SFI1: variants seen among roughly 807,000 people sequenced by gnomAD.
SFI1 encodes the protein SFI1 centrin binding protein.
Under a neutral mutation model 207.5 loss-of-function variants are expected in SFI1, and 195 were observed. That is an observed-to-expected ratio of 0.94 (90% CI 0.84 to 1.06). SFI1 has a LOEUF of 1.06. Among genes scored for constraint, SFI1 ranks in the 50% least tolerant of loss-of-function variants. The probability of loss-of-function intolerance (pLI) is 0.00; values close to 1 mark genes in which losing one functional copy is unlikely to be tolerated. For missense variants in SFI1, 1,634 were observed against 1,588.0 expected (o/e 1.03, Z -0.49); for synonymous variants, 630 against 598.9 (o/e 1.05, Z -0.76).
At chr22:31,545,360 C>A (rs1373217784) in intron 4 of SFI1, among the ~76,000 whole-genome samples, 4 of 149,800 alleles carry the variant, frequency 2.7e-5, no homozygotes, top group Non-Finnish European at 5.9e-5. Flanking sequence ...AGCAAAACTC[C>A]GTCTCAAAAA....
chr22:31,502,023 T>G (rs2053868484), intron 1 of SFI1, among the ~76,000 whole-genome samples: 1 of 152,198 alleles, frequency 6.6e-6, no homozygotes, highest in Non-Finnish European at 1.5e-5. Flanking sequence ...CCTTGTGCCC[T>G]GAGCTGCCAG....
chr22:31,575,098 GTGT>G, intron 9 of SFI1, 130 bp from the exon 10 acceptor site: 2 of 316,808 alleles, frequency 6.3e-6, no homozygotes, highest in East Asian at 9.6e-5. Context: ...GTGTGTGTGT[GTGT>G]GTGTGTGTGT....
At chr22:31,553,987 C>G (rs1043956478) in intron 6 of SFI1, among the ~76,000 whole-genome samples, 1 of 150,934 alleles carries the variant, frequency 6.6e-6, no homozygotes, top group Non-Finnish European at 1.5e-5. Flanking sequence ...AGACAATGCC[C>G]CACCATACCT....
intron 2 of SFI1, among the ~76,000 whole-genome samples, chr22:31,523,075 G>A (rs1308134561): frequency 6.6e-6 from 1 of 152,158 alleles, no homozygotes; most frequent in African/African-American, 2.4e-5. Context: ...TTATGCTGCT[G>A]TGAACATTGT....
intron 1 of SFI1, among the ~76,000 whole-genome samples, chr22:31,502,558 G>T (rs1394713235): frequency 1.3e-5 from 2 of 151,950 alleles, no homozygotes; most frequent in East Asian, 1.9e-4. Context: ...ATTTTTATTA[G>T]AGACGGGGTT....
chr22:31,590,204 C>G (rs1043976244), intron 15 of SFI1, among the ~76,000 whole-genome samples: 2 of 151,020 alleles, frequency 1.3e-5, no homozygotes, highest in Admixed American at 1.3e-4. Flanking sequence ...CCCACAGATT[C>G]AAATGCTTGT....
intron 4 of SFI1, among the ~76,000 whole-genome samples, chr22:31,545,272 G>A (rs1342051098): frequency 1.3e-5 from 2 of 152,106 alleles, no homozygotes; most frequent in African/African-American, 4.8e-5. Context: ...GGCTGAGTCA[G>A]GGAAATCGCT....
intron 8 of SFI1, among the ~76,000 whole-genome samples, chr22:31,570,447 C>T (rs1180618710): frequency 1.3e-5 from 2 of 151,256 alleles, no homozygotes; most frequent in Non-Finnish European, 3.0e-5. Flanking sequence ...CAATTCTGGA[C>T]TCTATCTTCA....
intron 4 of SFI1, among the ~76,000 whole-genome samples, chr22:31,536,654 C>A (rs2059016553): frequency 6.6e-6 from 1 of 152,180 alleles, no homozygotes; most frequent in Non-Finnish European, 1.5e-5. Context: ...CTCAAGTGAT[C>A]CACCTGCCTT....
In SFI1 at chr22:31,561,358, C is replaced by G; in HGVS notation, c.731C>G (p.Ala244Gly). 6.2e-7 allele frequency: 1 copy of G among 1,614,092 alleles called. No individual in the cohort carries two copies. Among genetic ancestry groups the G allele is most frequent in the Non-Finnish European group, 8.5e-7 (1 of 1,180,002 alleles). ...GTGAGCCGTGCCCTCCATGCCTCTGCTTTGAAGCACAGGGCCCTGAGCCTC... is the reference window on the plus strand; with the variant it reads ...GTGAGCCGTGCCCTCCATGCCTCTGGTTTGAAGCACAGGGCCCTGAGCCTC... ...VRVSRALHAS[A>G]LKHRALSLQV... is the part of the protein sequence containing the mutation. The change falls in exon 8 of 33, where the codon GCT (alanine) becomes GGT (glycine). Residue 244 changes from alanine to glycine, a missense_variant. Coordinates refer to ENST00000400288, the MANE Select transcript of SFI1 (RefSeq NM_001007467.3).
At chr22:31,511,521 T>A in intron 2 of SFI1, among the ~76,000 whole-genome samples, 1 of 142,722 alleles carries the variant, frequency 7.0e-6, no homozygotes. Context: ...CAGGTTGGAG[T>A]GCATGGCGCG....
intron 29 of SFI1, 43 bp from the exon 30 acceptor site, chr22:31,616,702 T>C (rs1022679565): frequency 1.3e-6 from 2 of 1,506,878 alleles, no homozygotes; most frequent in African/African-American, 2.8e-5. Context: ...CCTGGCTTCC[T>C]CCTAGCTTCC....
chr22:31,553,836 ATGT>A (rs2060875572), intron 6 of SFI1, among the ~76,000 whole-genome samples: 26 of 21,968 alleles, frequency 1.2e-3, no homozygotes, highest in Non-Finnish European at 2.3e-3. Context: ...TTAATGGATT[ATGT>A]TTTTTTTTTT....
At chr22:31,524,312 T>C (rs2057642808) in intron 2 of SFI1, among the ~76,000 whole-genome samples, 1 of 152,198 alleles carries the variant, frequency 6.6e-6, no homozygotes, top group Admixed American at 6.6e-5. Context: ...TGACACCTCA[T>C]TGTGGTTTTC....
In SFI1 at chr22:31,604,916, G is replaced by A. The variant is rs370776405; in HGVS notation, c.2025G>A (p.Arg675=). The stretch of plus-strand genomic sequence containing the variant: ...GCATCCTCCGGGAGGTGGCAGCCAG[G>A]GAGAGCCAGCACAACAGGCAGCTGC... ...VRSILREVAA[R]ESQHNRQLLR... Residue 675 remains arginine (R), a synonymous_variant, in exon 20 of 33, where the codon AGG becomes AGA. Transcript: ENST00000400288. 8 of 1,611,412 alleles carry A rather than the reference G, an allele frequency of 5.0e-6. No individual in the cohort carries two copies. The highest frequency in any genetic ancestry group is 4.4e-5 in the South Asian group (4 of 90,832).
chr22:31,557,928 G>A (rs1374343935), intron 7 of SFI1, among the ~76,000 whole-genome samples: 1 of 152,158 alleles, frequency 6.6e-6, no homozygotes, highest in East Asian at 1.9e-4. Context: ...TTCACTCTAT[G>A]TTGTCTGTAG....
At position 31,615,019 on chromosome 22, in the gene SFI1, G is replaced by C. The variant is rs765010788; in HGVS notation, c.3069-29G>C. ...GTCCCAGAGGAGGGTCCTGTGGCCT[G>C]ACCAGGCTCTTGCCTTCCCTGTGCT... On this transcript the variant is annotated intron_variant, in intron 28 of 32. Transcript: ENST00000400288. The C allele has an allele frequency of 5.1e-5, 82 of 1,608,212 alleles. 2 individuals are homozygous for C. The highest frequency in any genetic ancestry group is 1.6e-4 in the Middle Eastern group (1 of 6,072).
chr22:31,496,772 T>C (rs2052714962), intron 1 of SFI1, 135 bp downstream of exon 1: 1 of 152,192 alleles, frequency 6.6e-6, no homozygotes, highest in South Asian at 2.1e-4. Flanking sequence ...CCCCTGAAAG[T>C]GCAGGTGATG....
intron 12 of SFI1, among the ~76,000 whole-genome samples, chr22:31,582,212 A>ATATATATATATATATG (rs2064313674): frequency 9.1e-5 from 2 of 21,874 alleles, no homozygotes; most frequent in Non-Finnish European, 1.7e-4. Flanking sequence ...CATTTTATAT[A>ATATATATATATATATG]TATATATATA....
Sources: gnomAD v4.1 joint callset for allele counts (sites outside exome capture counted in the v4.1 genomes callset) on GRCh38, gnomAD v4.1.1 for gene constraint, MANE v1.5 for transcripts, NCBI Gene and HGNC (gene_info 2026-07-23, HGNC 2026-07-21) for gene names.